Variants in DPH6 observed in about 807,000 individuals in gnomAD.
DPH6 encodes diphthamine biosynthesis 6.
In DPH6, 33 loss-of-function variants were observed where a neutral mutation model predicts 38.2. The ratio of observed to expected loss-of-function variants is 0.86; its 90% CI spans 0.65 to 1.15. The LOEUF is 1.15. Ranked by LOEUF, DPH6 falls within the 50% of genes most tolerant of loss-of-function variation. The pLI, the probability that DPH6 is intolerant of heterozygous loss-of-function variation, is 0.00. For synonymous variants in DPH6, 108 were observed against 103.0 expected (o/e 1.05, Z -0.30); for missense variants, 325 against 320.0 (o/e 1.02, Z -0.12).
At chr15:35,298,312 C>T (rs971334858) in intron 3 of DPH6, 1 of 602,906 alleles carries the variant, frequency 1.7e-6, no homozygotes, top group Non-Finnish European at 3.3e-6. Context: ...GCATTTGCCA[C>T]CTGTCCACCA....
chr15:35,464,589 A>G (rs998973556), intron 3 of DPH6, among the ~76,000 whole-genome samples: 2 of 152,212 alleles, frequency 1.3e-5, no homozygotes, highest in African/African-American at 4.8e-5. Context: ...TTCTAAAAAG[A>G]TATATAAATA....
intron 3 of DPH6, among the ~76,000 whole-genome samples, chr15:35,303,708 G>T (rs1222862805): frequency 6.6e-6 from 1 of 151,248 alleles, no homozygotes; most frequent in East Asian, 1.9e-4. Flanking sequence ...AAAAAAAAAG[G>T]GGGAGGAGAG....
chr15:35,274,262 T>C (rs1392601280), intron 3 of DPH6, among the ~76,000 whole-genome samples: 1 of 152,150 alleles, frequency 6.6e-6, no homozygotes, highest in Non-Finnish European at 1.5e-5. Context: ...TCAAGATGGA[T>C]TAAAGACTTA....
At chr15:35,489,829 T>C in intron 3 of DPH6, 1 of 980,198 alleles carries the variant, frequency 1.0e-6, no homozygotes, top group Non-Finnish European at 1.2e-6. Flanking sequence ...AATAATGTAC[T>C]TTTAAAAGGA....
intron 3 of DPH6, among the ~76,000 whole-genome samples, chr15:35,250,544 C>T (rs2051667109): frequency 6.6e-6 from 1 of 152,134 alleles, no homozygotes; most frequent in Non-Finnish European, 1.5e-5. Flanking sequence ...AAGGTTCTTA[C>T]ATGATATTTT....
Position 35,377,875 on chromosome 15 carries a change from GT to G in DPH6, c.662+3946del, listed in dbSNP as rs760095339. Among the ~76,000 whole-genome samples the G allele has an allele frequency of 9.9e-4, 143 of 144,388 alleles. 1 individual carries two copies. The highest frequency in any genetic ancestry group is 7.2e-3 in the South Asian group (33 of 4,582). 94.7% of individuals were successfully genotyped at this position (144,388 alleles called of 152,430 possible). ...ATTTTTTATTATTGTTATTCATATT[GT>G]TTTTTTTTTTAGAGACAGGGTCTTG... On this transcript the variant is annotated intron_variant, in intron 7 of 8. Coordinates refer to ENST00000256538, the MANE Select transcript of DPH6 (RefSeq NM_080650.4).
At chr15:35,440,761 C>G (rs28759811) in intron 5 of DPH6, among the ~76,000 whole-genome samples, 1 of 152,162 alleles carries the variant, frequency 6.6e-6, no homozygotes, top group East Asian at 1.9e-4. Context: ...GAATATGTGC[C>G]TTATGCACCA....
intron 3 of DPH6, chr15:35,298,760 A>T: frequency 6.9e-7 from 1 of 1,452,296 alleles, no homozygotes; most frequent in Non-Finnish European, 9.7e-7. Context: ...CAAGTTAGCG[A>T]GGAAGGAGTT....
intron 3 of DPH6, among the ~76,000 whole-genome samples, chr15:35,459,690 C>T (rs1272841576): frequency 6.6e-6 from 1 of 151,846 alleles, no homozygotes; most frequent in Non-Finnish European, 1.5e-5. Context: ...GGGGGTACAC[C>T]AACATGTAAG....
At chr15:35,343,761 T>C (rs1215220016) in intron 3 of DPH6, among the ~76,000 whole-genome samples, 1 of 151,864 alleles carries the variant, frequency 6.6e-6, no homozygotes, top group Non-Finnish European at 1.5e-5. Flanking sequence ...AGAAAAATAA[T>C]CTCTCATTAA....
chr15:35,452,649 C>T (rs540625389), intron 4 of DPH6, among the ~76,000 whole-genome samples: 21 of 152,192 alleles, frequency 1.4e-4, no homozygotes, highest in Non-Finnish European at 2.6e-4. Flanking sequence ...GAGATTGTTG[C>T]GTGTAATTTT....
chr15:35,296,629 G>A (rs2052016970), intron 3 of DPH6, among the ~76,000 whole-genome samples: 1 of 152,144 alleles, frequency 6.6e-6, no homozygotes, highest in Non-Finnish European at 1.5e-5. Context: ...GCTCCTGAAT[G>A]TTACTAGAGA....
chr15:35,409,690 A>T (rs2053339660), intron 6 of DPH6, among the ~76,000 whole-genome samples: 1 of 151,990 alleles, frequency 6.6e-6, no homozygotes, highest in Admixed American at 6.6e-5. Flanking sequence ...ATGGCAGTGA[A>T]CAGATGTAAA....
intron 6 of DPH6, among the ~76,000 whole-genome samples, chr15:35,390,053 C>T (rs2053032006): frequency 6.6e-6 from 1 of 152,176 alleles, no homozygotes; most frequent in Admixed American, 6.5e-5. Context: ...ACAAAAATCT[C>T]TCAGCATTTG....
chr15:35,356,364 T>A (rs914258035), intron 3 of DPH6, among the ~76,000 whole-genome samples: 1 of 152,228 alleles, frequency 6.6e-6, no homozygotes, highest in Non-Finnish European at 1.5e-5. Context: ...GTGCTTTGAT[T>A]TTTAGAGTTT....
intron 3 of DPH6, among the ~76,000 whole-genome samples, chr15:35,478,612 C>T (rs2054291184): frequency 6.6e-6 from 1 of 151,844 alleles, no homozygotes; most frequent in African/African-American, 2.4e-5. Flanking sequence ...CTACCTAGGG[C>T]CTCAGAGGAA....
At chr15:35,231,656 T>C (rs2051518711) in intron 3 of DPH6, among the ~76,000 whole-genome samples, 1 of 152,212 alleles carries the variant, frequency 6.6e-6, no homozygotes, top group Non-Finnish European at 1.5e-5. Flanking sequence ...TAAGGAATAC[T>C]TGAGGCAGGG....
At chr15:35,427,897 C>A (rs2053588787) in intron 5 of DPH6, among the ~76,000 whole-genome samples, 1 of 151,822 alleles carries the variant, frequency 6.6e-6, no homozygotes, top group South Asian at 2.1e-4. Flanking sequence ...GGGGTTACCT[C>A]TTCCAGAAGC....
intron 3 of DPH6, among the ~76,000 whole-genome samples, chr15:35,254,650 A>G (rs1329653375): frequency 2.0e-5 from 3 of 152,262 alleles, no homozygotes; most frequent in Admixed American, 2.0e-4. Flanking sequence ...ATATGAGGTA[A>G]AAAAGGTAGT....
Sources: gnomAD v4.1 joint callset for allele counts (sites outside exome capture counted in the v4.1 genomes callset) on GRCh38, gnomAD v4.1.1 for gene constraint, MANE v1.5 for transcripts, NCBI Gene and HGNC (gene_info 2026-07-23, HGNC 2026-07-21) for gene names.